ZNF609: variants seen among roughly 807,000 people sequenced by gnomAD.
ZNF609 encodes zinc finger protein 609.
ZNF609 carries 11 observed loss-of-function variants against 109.5 expected under a neutral mutation model. The ratio of observed to expected loss-of-function variants is 0.10; its 90% CI spans 0.06 to 0.17. The LOEUF (loss-of-function observed/expected upper bound fraction) is 0.17. ZNF609 is among the 10% of genes least tolerant of loss of function. ZNF609 has a pLI of 1.00. For synonymous variants in ZNF609, 646 were observed against 662.0 expected (o/e 0.98, Z 0.37); for missense variants, 1,559 against 1,772.4 (o/e 0.88, Z 2.16).
chr15:64,477,038 GCA>G, intron 1 of ZNF609, among the ~76,000 whole-genome samples: 1 of 152,004 alleles, frequency 6.6e-6, no homozygotes, highest in Admixed American at 6.6e-5. Context: ...CCTAATTTCA[GCA>G]GCCTAAAGAT....
At chr15:64,653,363 C>T (rs192558163) in intron 3 of ZNF609, among the ~76,000 whole-genome samples, 4 of 151,772 alleles carry the variant, frequency 2.6e-5, no homozygotes, top group African/African-American at 7.3e-5. Flanking sequence ...TTCCTGGAAG[C>T]GCCAGGCGCA....
At chr15:64,500,539 C>G in intron 2 of ZNF609, 1 of 613,288 alleles carries the variant, frequency 1.6e-6, no homozygotes, top group Admixed American at 2.8e-5. Flanking sequence ...ATTTCATCAT[C>G]AGACTCATAA....
At chr15:64,530,214 T>TTC (rs1894039570) in intron 2 of ZNF609, among the ~76,000 whole-genome samples, 1 of 151,764 alleles carries the variant, frequency 6.6e-6, no homozygotes, top group East Asian at 1.9e-4. Context: ...TGGGGTTTCA[T>TTC]CATGTTGGCC....
At chr15:64,645,950 C>T (rs1171374271) in intron 3 of ZNF609, among the ~76,000 whole-genome samples, 1 of 152,144 alleles carries the variant, frequency 6.6e-6, no homozygotes, top group Non-Finnish European at 1.5e-5. Context: ...AAAATGAGTA[C>T]AAGCCATTGT....
At chr15:64,618,111 G>A (rs1469021451) in intron 2 of ZNF609, among the ~76,000 whole-genome samples, 1 of 152,090 alleles carries the variant, frequency 6.6e-6, no homozygotes, top group East Asian at 1.9e-4. Context: ...ATGGCAAAAT[G>A]AGTCCTTTTC....
At chr15:64,471,842 C>G (rs141913947) in intron 1 of ZNF609, among the ~76,000 whole-genome samples, 124 of 152,188 alleles carry the variant, frequency 8.1e-4, no homozygotes, top group African/African-American at 2.6e-3. Context: ...CTCGGCCTCC[C>G]AAAGTGCTGG....
At chr15:64,520,166 A>G (rs888820681) in intron 2 of ZNF609, among the ~76,000 whole-genome samples, 1 of 152,214 alleles carries the variant, frequency 6.6e-6, no homozygotes, top group African/African-American at 2.4e-5. Context: ...GAAGCAGTAC[A>G]GGAAGGTTTC....
chr15:64,610,206 C>T (rs919592240), intron 2 of ZNF609, among the ~76,000 whole-genome samples: 5 of 151,912 alleles, frequency 3.3e-5, no homozygotes, highest in Admixed American at 6.6e-5. Flanking sequence ...AGCAAACCAA[C>T]GCAGAAACAG....
chr15:64,672,728 G>T (rs1423432719), intron 4 of ZNF609, among the ~76,000 whole-genome samples: 1 of 151,528 alleles, frequency 6.6e-6, no homozygotes, highest in Non-Finnish European at 1.5e-5. Flanking sequence ...CACTTTGGGA[G>T]GCCGAGGCGG....
chr15:64,590,678 ATATATATATG>A (rs1303863595), intron 2 of ZNF609, among the ~76,000 whole-genome samples: 3 of 150,960 alleles, frequency 2.0e-5, no homozygotes, highest in Non-Finnish European at 4.4e-5. Context: ...ATACATGCAT[ATATATATATG>A]TATATATATA....
intron 2 of ZNF609, among the ~76,000 whole-genome samples, chr15:64,550,751 G>A (rs1470023453): frequency 2.0e-5 from 3 of 149,400 alleles, no homozygotes; most frequent in African/African-American, 7.4e-5. Flanking sequence ...CAGGAGAATC[G>A]CTTGAACCCA....
chr15:64,506,370 G>A (rs1293963855), intron 2 of ZNF609, among the ~76,000 whole-genome samples: 5 of 149,912 alleles, frequency 3.3e-5, no homozygotes, highest in South Asian at 2.2e-4. Flanking sequence ...TGATCCACCC[G>A]CCTTGGCCTC....
At chr15:64,563,097 C>T (rs142141506) in intron 2 of ZNF609, among the ~76,000 whole-genome samples, 307 of 152,028 alleles carry the variant, frequency 2.0e-3, no homozygotes, top group African/African-American at 7.3e-3. Context: ...GAGCCATGAT[C>T]ACGCCACTGC....
In ZNF609 at chr15:64,514,959, C is replaced by T. The variant is rs557698424; in HGVS notation, c.747+14793C>T. 4.6e-5 allele frequency among the ~76,000 whole-genome samples: 7 copies of T among 151,992 alleles called. No individual in the cohort carries two copies. In the East Asian group the frequency reaches 1.4e-3, roughly 29 times the overall value. ...CCCTTTTTTTTAAAATTTTTTAATC[C>T]TGCTTTAATTTTTTGTTGTTGTTGT... is the stretch of plus-strand genomic sequence containing the variant. On this transcript the variant is annotated intron_variant, in intron 2 of 9. Coordinates refer to ENST00000326648, the MANE Select transcript of ZNF609 (RefSeq NM_015042.2).
intron 2 of ZNF609, among the ~76,000 whole-genome samples, chr15:64,591,698 G>C: frequency 6.6e-6 from 1 of 151,950 alleles, no homozygotes; most frequent in Non-Finnish European, 1.5e-5. Flanking sequence ...AGGCAACATG[G>C]TGAGGTCCTA....
intron 2 of ZNF609, among the ~76,000 whole-genome samples, chr15:64,604,818 TATTTATTC>T (rs1895568185): frequency 6.6e-6 from 1 of 151,900 alleles, no homozygotes; most frequent in African/African-American, 2.4e-5. Context: ...TTTATTTAGT[TATTTATTC>T]ATTTATTTAT....
intron 3 of ZNF609, among the ~76,000 whole-genome samples, chr15:64,657,940 T>TG (rs1896514832): frequency 6.6e-6 from 1 of 152,118 alleles, no homozygotes; most frequent in Admixed American, 6.6e-5. Context: ...GATCATCAGT[T>TG]GCCTCTCCTC....
At chr15:64,555,533 G>A (rs1302683007) in intron 2 of ZNF609, among the ~76,000 whole-genome samples, 2 of 151,460 alleles carry the variant, frequency 1.3e-5, no homozygotes, top group African/African-American at 4.9e-5. Context: ...GCATGGTGTT[G>A]CACAACTGTT....
chr15:64,573,615 G>A (rs1320010582), intron 2 of ZNF609, among the ~76,000 whole-genome samples: 3 of 151,216 alleles, frequency 2.0e-5, no homozygotes, highest in Admixed American at 6.6e-5. Context: ...CGCCCACCTC[G>A]GCCTCCCAAA....
Sources: allele counts gnomAD v4.1 joint callset (sites outside exome capture counted in the v4.1 genomes callset), GRCh38; gene constraint gnomAD v4.1.1; transcripts MANE v1.5; gene names NCBI Gene and HGNC (gene_info 2026-07-23, HGNC 2026-07-21).